MAGI2: variants seen among roughly 807,000 people sequenced by gnomAD.
MAGI2 encodes the protein membrane-associated guanylate kinase, WW and PDZ domain-containing protein 2.
Under a neutral mutation model 133.3 loss-of-function variants are expected in MAGI2, and 35 were observed. That is an observed-to-expected ratio of 0.26 (90% CI 0.20 to 0.35). The LOEUF is 0.35. MAGI2 is among the 10% of genes least tolerant of loss of function. The probability of loss-of-function intolerance (pLI) is 1.00; values close to 1 mark genes in which losing one functional copy is unlikely to be tolerated. For synonymous variants in MAGI2, 729 were observed against 710.6 expected, an observed-to-expected ratio of 1.03 and a Z score of -0.41; for missense variants, 1,636 against 1,863.4, an observed-to-expected ratio of 0.88 and a Z score of 2.25.
chr7:78,899,068 G>A (rs1017989293), intron 2 of MAGI2, among the ~76,000 whole-genome samples: 1 of 152,072 alleles, frequency 6.6e-6, no homozygotes, highest in African/African-American at 2.4e-5. Flanking sequence ...GGCTTCTCCA[G>A]GCAAACTCTA....
At chr7:79,375,137 G>A (rs977252572) in intron 1 of MAGI2, among the ~76,000 whole-genome samples, 1 of 151,958 alleles carries the variant, frequency 6.6e-6, no homozygotes, top group African/African-American at 2.4e-5. Flanking sequence ...TTGAATAGTT[G>A]AGAACTCTCA....
At chr7:78,213,983 G>C (rs1302459191) in intron 10 of MAGI2, among the ~76,000 whole-genome samples, 1 of 152,204 alleles carries the variant, frequency 6.6e-6, no homozygotes, top group Admixed American at 6.5e-5. Context: ...CTGGGAGAGT[G>C]ATGTGCATGT....
chr7:79,348,613 G>T (rs1260788236), intron 1 of MAGI2, among the ~76,000 whole-genome samples: 1 of 151,618 alleles, frequency 6.6e-6, no homozygotes, highest in African/African-American at 2.4e-5. Context: ...AGGAAGTCTA[G>T]AAACTATTTT....
At chr7:78,892,987 G>A (rs1344673048) in intron 2 of MAGI2, among the ~76,000 whole-genome samples, 5 of 151,692 alleles carry the variant, frequency 3.3e-5, no homozygotes, top group Admixed American at 1.3e-4. Context: ...TCATCTGACA[G>A]AGGGCTAATA....
In MAGI2 at chr7:79,182,938, T is replaced by C. The variant is rs188576119; in HGVS notation, c.302-175732A>G. On this transcript the variant is annotated intron_variant, in intron 1 of 21. Coordinates refer to ENST00000354212, the MANE Select transcript of MAGI2 (RefSeq NM_012301.4). Reference sequence around the variant, plus strand: ...ACTGGAGGTTACGAGAAATAAGCCATGCATAGAAAGACAAATATTGCATTT... The same window carrying C: ...ACTGGAGGTTACGAGAAATAAGCCACGCATAGAAAGACAAATATTGCATTT... Among the ~76,000 whole-genome samples the C allele has an allele frequency of 1.8e-3, 273 of 151,994 alleles. 1 individual carries two copies. The highest frequency in any genetic ancestry group is 6.1e-3 in the African/African-American group (253 of 41,390).
chr7:78,464,175 T>C (rs1202177884), intron 6 of MAGI2, among the ~76,000 whole-genome samples: 2 of 152,124 alleles, frequency 1.3e-5, no homozygotes, highest in Non-Finnish European at 2.9e-5. Context: ...CTAAAAAGGA[T>C]ATTTGAGAAA....
intron 3 of MAGI2, among the ~76,000 whole-genome samples, chr7:78,610,902 C>T (rs566881039): frequency 3.3e-5 from 5 of 152,232 alleles, no homozygotes; most frequent in African/African-American, 1.2e-4. Flanking sequence ...GAATACATTC[C>T]CAATGGGAAA....
intron 3 of MAGI2, among the ~76,000 whole-genome samples, chr7:78,613,254 C>T (rs911888530): frequency 2.0e-5 from 3 of 152,214 alleles, no homozygotes; most frequent in Non-Finnish European, 4.4e-5. Context: ...ATGCCCCTTT[C>T]TAAGACAGTG....
At chr7:79,210,864 T>C (rs543223004) in intron 1 of MAGI2, among the ~76,000 whole-genome samples, 1 of 152,238 alleles carries the variant, frequency 6.6e-6, no homozygotes, top group African/African-American at 2.4e-5. Flanking sequence ...CTAATTGGCA[T>C]CATCCACCTT....
chr7:79,352,899 A>G (rs1038289611), intron 1 of MAGI2, among the ~76,000 whole-genome samples: 2 of 152,122 alleles, frequency 1.3e-5, no homozygotes, highest in African/African-American at 4.8e-5. Flanking sequence ...AATAATGCCA[A>G]CTAAGTAATT....
At chr7:78,272,367 G>T (rs937153770) in intron 9 of MAGI2, among the ~76,000 whole-genome samples, 1 of 152,138 alleles carries the variant, frequency 6.6e-6, no homozygotes, top group Admixed American at 6.6e-5. Flanking sequence ...CAATTATGTG[G>T]TCAATTTTAG....
At position 78,532,772 on chromosome 7, in the gene MAGI2, T is replaced by G. The variant is rs1416333547; in HGVS notation, c.539-11127A>C. Among the ~76,000 whole-genome samples the G allele has an allele frequency of 3.3e-5, 5 of 152,326 alleles. No individual in the cohort carries two copies. The East Asian group carries it at 9.6e-4, about 29-fold the overall frequency. On this transcript the variant is annotated intron_variant, in intron 3 of 21. Coordinates refer to ENST00000354212, the MANE Select transcript of MAGI2 (RefSeq NM_012301.4). ...ACCAAAAAGCTAAATAAAATTTTCT[T>G]TAGCCTTTTGGCATATAACCCTAGG...
intron 1 of MAGI2, among the ~76,000 whole-genome samples, chr7:79,340,664 A>C (rs1475279242): frequency 6.6e-6 from 1 of 152,018 alleles, no homozygotes; most frequent in Non-Finnish European, 1.5e-5. Flanking sequence ...CTATTGGAAG[A>C]GTTGTTTTTT....
At chr7:78,211,308 A>T (rs984238958) in intron 10 of MAGI2, among the ~76,000 whole-genome samples, 2 of 152,308 alleles carry the variant, frequency 1.3e-5, no homozygotes, top group South Asian at 4.1e-4. Context: ...TGGTAAGATC[A>T]ATGGGAATCT....
chr7:78,627,238 G>A lies in MAGI2; in HGVS notation c.420C>T (p.Cys140=). ...CACCCTCCTTATGTGGCCTTGTGGTGCCTGAATAAAGAAAAGTAAAAACAA... is the reference window on the plus strand; with the variant it reads ...CACCCTCCTTATGTGGCCTTGTGGTACCTGAATAAAGAAAAGTAAAAACAA... The part of the protein sequence containing the change: ...RDNLYLRTVP[C]TTRPHKEGEV... The change falls in exon 3 of 22, where the codon TGC becomes TGT. Residue 140 remains cysteine, a splice_region_variant and synonymous_variant. Coordinates refer to ENST00000354212, the MANE Select transcript of MAGI2 (RefSeq NM_012301.4). 5 of 1,537,484 alleles carry A rather than the reference G, an allele frequency of 3.3e-6. No homozygotes were observed. Among genetic ancestry groups the A allele is most frequent in the Non-Finnish European group, 4.4e-6 (5 of 1,147,098 alleles).
At chr7:78,724,969 T>C (rs1216863361) in intron 2 of MAGI2, among the ~76,000 whole-genome samples, 1 of 152,094 alleles carries the variant, frequency 6.6e-6, no homozygotes, top group African/African-American at 2.4e-5. Context: ...ATTTTTGAAA[T>C]GTTAAAGAAA....
chr7:78,740,819 C>A (rs187371038), intron 2 of MAGI2, among the ~76,000 whole-genome samples: 1 of 152,218 alleles, frequency 6.6e-6, no homozygotes, highest in Non-Finnish European at 1.5e-5. Flanking sequence ...AAAGAAAGCA[C>A]CCCCATGCTA....
At chr7:78,252,504 G>T (rs1337451610) in intron 10 of MAGI2, 1 of 150,294 alleles carries the variant, frequency 6.7e-6, no homozygotes. Context: ...TTAATTCACA[G>T]TATACACAAA....
At chr7:78,139,696 T>C (rs1822544857) in intron 16 of MAGI2, among the ~76,000 whole-genome samples, 1 of 152,200 alleles carries the variant, frequency 6.6e-6, no homozygotes, top group Non-Finnish European at 1.5e-5. Flanking sequence ...GATACACAGA[T>C]ATTTGGGAAA....
Sources: gnomAD v4.1 joint callset for allele counts (sites outside exome capture counted in the v4.1 genomes callset) on GRCh38, gnomAD v4.1.1 for gene constraint, MANE v1.5 for transcripts, NCBI Gene and HGNC (gene_info 2026-07-23, HGNC 2026-07-21) for gene names.